The following RRP9 variants were observed in gnomAD, a reference collection of about 807,000 sequenced individuals.
The protein encoded by RRP9 is U3 small nucleolar RNA-interacting protein 2.
RRP9 carries 35 observed loss-of-function variants against 65.5 expected under a neutral mutation model. The observed-to-expected ratio is 0.53, with a 90% CI of 0.41 to 0.71. The LOEUF (loss-of-function observed/expected upper bound fraction) is 0.71, where lower values mean the gene tolerates loss of function less well. Among genes scored for constraint, RRP9 ranks in the 30% least tolerant of loss-of-function variants. The pLI is 0.00. For missense variants in RRP9, 533 were observed against 633.6 expected (o/e 0.84, Z 1.70); for synonymous variants, 254 against 245.0 (o/e 1.04, Z -0.34).
At position 51,935,219 on chromosome 3, in the gene RRP9, T is replaced by C. The variant is rs770524015; in HGVS notation, c.1012A>G (p.Met338Val). ...TACCCATCGTCCGCGCCGGACACCA[T>C]GTGCTCCTCATTGATTAGGTGGATG... ...DCIHLINEEH[M>V]VSGADDGSVA... The change falls in exon 11 of 15, where the codon ATG (methionine) becomes GTG (valine). Residue 338 changes from methionine (M) to valine (V), a missense_variant. This residue lies in a region of RRP9 where 449 missense variants were observed against 550.6 expected (regional missense o/e 0.82). Coordinates refer to ENST00000232888, the MANE Select transcript of RRP9 (RefSeq NM_004704.5). 4.4e-6 allele frequency: 7 copies of C among 1,600,622 alleles called. No homozygotes were observed. The highest frequency in any genetic ancestry group is 4.0e-5 in the African/African-American group (3 of 74,288).
In RRP9 at chr3:51,937,882, T is replaced by G; in HGVS notation, c.281-146A>C. 1 of 1,094,248 alleles carries G rather than the reference T, an allele frequency of 9.1e-7. No individual in the cohort carries two copies. The highest frequency in any genetic ancestry group is 1.3e-6 in the Non-Finnish European group (1 of 758,492). The allele number at this position is 1,094,248 out of a possible 1,614,324, so 67.8% of individuals were successfully genotyped here. On this transcript the variant is annotated intron_variant, in intron 3 of 14. Coordinates refer to ENST00000232888, the MANE Select transcript of RRP9 (RefSeq NM_004704.5). This position sits in a 1 kb window ranked among gnomAD's most constrained non-coding sequence, Gnocchi z 5.0. Reference sequence around the variant, plus strand: ...GGGGAGGGCAAGCTGGAGGGTTTCCTCCTGCCTTTACTTATCAGATCAGCC... The same window carrying G: ...GGGGAGGGCAAGCTGGAGGGTTTCCGCCTGCCTTTACTTATCAGATCAGCC...
At chr3:51,935,153 C>A (rs371057227) in intron 11 of RRP9, 44 bp downstream of exon 11, 4 of 1,610,074 alleles carry the variant, frequency 2.5e-6, no homozygotes, top group Non-Finnish European at 3.4e-6. Flanking sequence ...AGCCAGCACT[C>A]AGGAGCAGAA....
In RRP9 at chr3:51,936,528, T is replaced by C. The variant is rs1699461764; in HGVS notation, c.545A>G (p.His182Arg). The C allele has an allele frequency of 2.5e-6, 4 of 1,614,082 alleles. No homozygotes were observed. The highest frequency in any genetic ancestry group is 2.2e-5 in the South Asian group (2 of 91,078). The change falls in exon 7 of 15, where the codon CAT (histidine) becomes CGT (arginine). Residue 182 changes from histidine to arginine, a missense_variant. Around this residue, in one of 3 missense-constraint regions of RRP9, gnomAD observed 449 missense variants for 550.6 expected, o/e 0.82. Transcript: ENST00000232888. ...KWSVESGRKL[H>R]VIPRAKKGAE... is the part of the protein sequence containing the mutation. ...ACCCTTCTTGGCTCGAGGAATCACA[T>C]GCAGCTTCCGTCCACTCTCCACGCT...
rs1313288127 is a variant in RRP9 at position 51,934,906 on chromosome 3, G to A, written c.1035-130C>T. 5.8e-6 allele frequency: 6 copies of A among 1,034,656 alleles called. No individual in the cohort carries two copies. Among genetic ancestry groups the A allele is most frequent in the Non-Finnish European group, 6.9e-6 (5 of 721,910 alleles). 64.1% of individuals were successfully genotyped at this position (1,034,656 alleles called of 1,614,324 possible). A position where few individuals can be genotyped will look rare whatever the true frequency, so the allele number is the denominator to read the frequency against. ...ATGATGTGATTATTACATATTGCAT[G>A]CCTGTATCAAAACATCTCAAGTACC... is the stretch of plus-strand genomic sequence containing the variant. On this transcript the variant is annotated intron_variant, in intron 11 of 14. Coordinates refer to ENST00000232888, the MANE Select transcript of RRP9 (RefSeq NM_004704.5). This position sits in a 1 kb window ranked among gnomAD's most constrained non-coding sequence, Gnocchi z 4.1.
chr3:51,941,881 C>G lies in RRP9; in HGVS notation c.-14G>C, dbSNP rs747694297. 3.2e-6 allele frequency: 5 copies of G among 1,565,048 alleles called. No individual in the cohort carries two copies. Among genetic ancestry groups the G allele is most frequent in the Non-Finnish European group, 4.3e-6 (5 of 1,162,396 alleles). ...TGTTGCCGACATGCTGCCCACCAGG[C>G]GTGTAGCAGCGGCCGCAGAACTCAC... On this transcript the variant is annotated 5_prime_UTR_variant, in exon 1 of 15. Transcript: ENST00000232888.
At position 51,937,238 on chromosome 3, in the gene RRP9, A is replaced by C. The variant is rs147544555; in HGVS notation, c.471T>G (p.Asp157Glu). 5.0e-6 allele frequency: 8 copies of C among 1,613,944 alleles called. No individual in the cohort carries two copies. Among genetic ancestry groups the C allele is most frequent in the Non-Finnish European group, 6.8e-6 (8 of 1,179,970 alleles). Reference sequence around the variant, plus strand: ...TGGCAGCAGAGAAGATGGCTGAGTCATCGGGGGTGACGACCAAACATGTGA... The same window carrying C: ...TGGCAGCAGAGAAGATGGCTGAGTCCTCGGGGGTGACGACCAAACATGTGA... ...LSITCLVVTPDDSAIFSAAKD... is the reference protein window; with the variant it reads ...LSITCLVVTPEDSAIFSAAKD... Residue 157 changes from aspartate (D) to glutamate (E), a missense_variant, in exon 6 of 15, where the codon GAT becomes GAG. This residue lies in a region of RRP9 where 449 missense variants were observed against 550.6 expected (regional missense o/e 0.82). Coordinates refer to ENST00000232888, the MANE Select transcript of RRP9 (RefSeq NM_004704.5). This position sits in a 1 kb window ranked among gnomAD's most constrained non-coding sequence, Gnocchi z 5.0.
chr3:51,934,917 A>C lies in RRP9; in HGVS notation c.1035-141T>G. On this transcript the variant is annotated intron_variant, in intron 11 of 14. Coordinates refer to ENST00000232888, the MANE Select transcript of RRP9 (RefSeq NM_004704.5). This position sits in a 1 kb window ranked among gnomAD's most constrained non-coding sequence, Gnocchi z 4.1. ...ATTACATATTGCATGCCTGTATCAA[A>C]ACATCTCAAGTACCCCACAAATACG... The C allele has an allele frequency of 1.0e-6, 1 of 977,998 alleles. No individual in the cohort carries two copies. Among genetic ancestry groups the C allele is most frequent in the Non-Finnish European group, 1.5e-6 (1 of 673,716 alleles). The allele number at this position is 977,998 out of a possible 1,614,324, so 60.6% of individuals were successfully genotyped here.
In RRP9 at chr3:51,941,863, G is replaced by T. The variant is rs1193190091; in HGVS notation, c.5C>A (p.Ser2Ter). 7.6e-6 allele frequency: 12 copies of T among 1,580,604 alleles called. No homozygotes were observed. The Admixed American group carries it at 8.5e-5, about 11-fold the overall frequency. ...CCGCTTACGAGCAGCCGCTGTTGCC[G>T]ACATGCTGCCCACCAGGCGTGTAGC... M[S>*]ATAAARKRGK... is the part of the protein sequence containing the mutation. Residue 2 changes from serine to a stop codon, truncating the protein, a stop_gained, in exon 1 of 15, where the codon TCG (serine) becomes TAG (stop). Transcript: ENST00000232888. LOFTEE classifies it high-confidence loss of function.
rs1699442513 is a variant in RRP9, at chr3:51,935,247, G to C, written c.984C>G (p.Asp328Glu). ...LVFYGHQGSI[D>E]CIHLINEEHM... is the part of the protein sequence containing the mutation. ...GCTCCTCATTGATTAGGTGGATGCA[G>C]TCGATGGAGCCCCTGGAGAAAGGGG... is the stretch of plus-strand genomic sequence containing the variant. The change falls in exon 11 of 15, where the codon GAC becomes GAG. Residue 328 changes from aspartate (D) to glutamate (E), a missense_variant. Around this residue, in one of 3 missense-constraint regions of RRP9, gnomAD observed 449 missense variants for 550.6 expected, o/e 0.82. Coordinates refer to ENST00000232888, the MANE Select transcript of RRP9 (RefSeq NM_004704.5). 2 of 1,614,118 alleles carry C rather than the reference G, an allele frequency of 1.2e-6. No individual in the cohort carries two copies. Among genetic ancestry groups the C allele is most frequent in the Non-Finnish European group, 1.7e-6 (2 of 1,180,042 alleles).
chr3:51,937,822 T>A lies in RRP9; in HGVS notation c.281-86A>T, dbSNP rs1203314461. On this transcript the variant is annotated intron_variant, in intron 3 of 14. Coordinates refer to ENST00000232888, the MANE Select transcript of RRP9 (RefSeq NM_004704.5). This position sits in a 1 kb window ranked among gnomAD's most constrained non-coding sequence, Gnocchi z 5.0. ...TGTCCCCATCCCACTGCCCCAGGGCTGGATAATGCAGGAAGCTCCAGCTGC... is the reference window on the plus strand; with the variant it reads ...TGTCCCCATCCCACTGCCCCAGGGCAGGATAATGCAGGAAGCTCCAGCTGC... 2 of 1,505,914 alleles carry A rather than the reference T, an allele frequency of 1.3e-6. No homozygotes were observed. 93.3% of individuals were successfully genotyped at this position (1,505,914 alleles called of 1,614,324 possible).
chr3:51,938,255 C>T lies in RRP9; in HGVS notation c.171-51G>A, dbSNP rs1205788226. On this transcript the variant is annotated intron_variant, in intron 2 of 14. Transcript: ENST00000232888. ...GAGGGGCTCACCTTGTTCCTCTGAC[C>T]GCTAGGATCGTGCCTTCTGGATGCT... 11 of 1,388,794 alleles carry T rather than the reference C, an allele frequency of 7.9e-6. No individual in the cohort carries two copies. The African/African-American group carries it at 8.7e-5, about 11-fold the overall frequency. The allele number at this position is 1,388,794 out of a possible 1,614,324, so 86.0% of individuals were successfully genotyped here.
intron 7 of RRP9, 31 bp from the exon 8 acceptor site, chr3:51,936,380 C>T: frequency 1.2e-6 from 2 of 1,614,146 alleles, no homozygotes; most frequent in South Asian, 1.1e-5. Context: ...ATCACAGGCA[C>T]CCACCATGCA....
rs1316523511 is a variant in RRP9, at chr3:51,934,675, A to G, written c.1136T>C (p.Ile379Thr). ...GTTGAGGAGGGCTGCCACCGACGAT[A>G]TCCAGAAGGGCTGCTCCAGGCCTGG... Reference protein sequence around the residue: ...GEPGLEQPFWISSVAALLNTD... With the variant: ...GEPGLEQPFWTSSVAALLNTD... The change falls in exon 12 of 15, where the codon ATA becomes ACA. Residue 379 changes from isoleucine (I) to threonine (T), a missense_variant. By Grantham distance (89) the Ile-to-Thr change is moderately conservative. This residue lies in a region of RRP9 where 449 missense variants were observed against 550.6 expected (regional missense o/e 0.82). Transcript: ENST00000232888. This position sits in a 1 kb window ranked among gnomAD's most constrained non-coding sequence, Gnocchi z 4.1. The G allele has an allele frequency of 2.5e-6, 4 of 1,614,014 alleles. No individual in the cohort carries two copies. In the Admixed American group the frequency reaches 5.0e-5, roughly 20 times the overall value.
At chr3:51,935,047 T>C in intron 11 of RRP9, 150 bp downstream of exon 11, 2 of 866,020 alleles carry the variant, frequency 2.3e-6, no homozygotes, top group East Asian at 2.6e-5. Context: ...GACAAGGCCA[T>C]CTGAGCTCTC....
intron 2 of RRP9, among the ~76,000 whole-genome samples, chr3:51,939,428 T>C (rs1699492060): frequency 6.6e-6 from 1 of 152,198 alleles, no homozygotes. Context: ...GCAAGGGAAG[T>C]ACACACTATG....
Position 51,937,572 on chromosome 3 carries a change from G to T in RRP9, c.363C>A (p.Gly121=). The part of the protein sequence containing the change: ...RLKEDVLEQR[G]RLQKLVAKEI... ...CTTTTGCCACCAACTTCTGCAGCCT[G>T]CCCCTCTGCTCAAGCTGCATGGAGA... Residue 121 remains glycine (G), a synonymous_variant, in exon 5 of 15, where the codon GGC becomes GGA. Transcript: ENST00000232888. The surrounding 1 kb of genome is among the most constrained non-coding windows in gnomAD (Gnocchi z 5.0). The T allele has an allele frequency of 6.2e-7, 1 of 1,614,164 alleles. No homozygotes were observed. Among genetic ancestry groups the T allele is most frequent in the Non-Finnish European group, 8.5e-7 (1 of 1,180,034 alleles).
At position 51,933,499 on chromosome 3, in the gene RRP9, A is replaced by G; in HGVS notation, c.*7T>C. 6.2e-7 allele frequency: 1 copy of G among 1,609,862 alleles called. No individual in the cohort carries two copies. Among genetic ancestry groups the G allele is most frequent in the Non-Finnish European group, 8.5e-7 (1 of 1,176,454 alleles). On this transcript the variant is annotated 3_prime_UTR_variant, in exon 15 of 15. Coordinates refer to ENST00000232888, the MANE Select transcript of RRP9 (RefSeq NM_004704.5). ...TGGGAAGGACTTAAATAAGGAGGATAAGAGTGTCAGGAACCAGCAGCTGGG... is the reference window on the plus strand; with the variant it reads ...TGGGAAGGACTTAAATAAGGAGGATGAGAGTGTCAGGAACCAGCAGCTGGG...
Position 51,937,372 on chromosome 3 carries a change from C to A in RRP9, c.391-54G>T. ...GCTAGTGGCATAAAGGCACTACCTT[C>A]ACCAACCCCACTGCGTAGTGTTGGC... is the stretch of plus-strand genomic sequence containing the variant. On this transcript the variant is annotated intron_variant, in intron 5 of 14. Transcript: ENST00000232888. The surrounding 1 kb of genome is among the most constrained non-coding windows in gnomAD (Gnocchi z 5.0). 6.2e-7 allele frequency: 1 copy of A among 1,612,162 alleles called. No homozygotes were observed.
chr3:51,935,743 G>T, intron 8 of RRP9, 51 bp from the exon 9 acceptor site: 1 of 1,491,190 alleles, frequency 6.7e-7, no homozygotes, highest in South Asian at 1.1e-5. Flanking sequence ...CAGCAGGCGA[G>T]AGACAGGTCA....
Sources: allele counts gnomAD v4.1 joint callset (sites outside exome capture counted in the v4.1 genomes callset), GRCh38; gene constraint gnomAD v4.1.1; regional missense constraint gnomAD v4.1.1; non-coding constraint Gnocchi (gnomAD v3.1); transcripts MANE v1.5; gene names NCBI Gene and HGNC (gene_info 2026-07-23, HGNC 2026-07-21).